The following KAZN variants were observed in gnomAD, a reference collection of about 807,000 sequenced individuals.
The protein encoded by KAZN is kazrin, periplakin interacting protein, also known as kazrin.
KAZN carries 40 observed loss-of-function variants against 87.4 expected under a neutral mutation model. That is an observed-to-expected ratio of 0.46 (90% CI 0.36 to 0.60). KAZN has a LOEUF of 0.60. Among genes scored for constraint, KAZN ranks in the 20% least tolerant of loss-of-function variants. The pLI, the probability that KAZN is intolerant of heterozygous loss-of-function variation, is 0.00. For synonymous variants in KAZN, 466 were observed against 458.3 expected (o/e 1.02, Z -0.22); for missense variants, 898 against 1,073.9 (o/e 0.84, Z 2.29).
intron 1 of KAZN, among the ~76,000 whole-genome samples, chr1:13,928,572 C>T (rs1256658229): frequency 2.0e-5 from 3 of 152,118 alleles, no homozygotes; most frequent in African/African-American, 7.2e-5. Context: ...TTTAGAAACT[C>T]ACTATTCCCA....
chr1:14,393,005 G>A (rs1375125266), intron 2 of KAZN, among the ~76,000 whole-genome samples: 1 of 152,162 alleles, frequency 6.6e-6, no homozygotes, highest in African/African-American at 2.4e-5. Flanking sequence ...TAAATGTGAA[G>A]TCAAGCGCAA....
intron 1 of KAZN, among the ~76,000 whole-genome samples, chr1:14,911,209 A>T (rs1423039896): frequency 2.0e-5 from 3 of 152,244 alleles, no homozygotes; most frequent in Admixed American, 2.0e-4. Context: ...AGAGGTCAGG[A>T]AGCCTGAACC....
intron 8 of KAZN, among the ~76,000 whole-genome samples, chr1:15,086,804 C>T (rs192487654): frequency 2.0e-5 from 3 of 151,954 alleles, no homozygotes; most frequent in African/African-American, 7.3e-5. Context: ...ATTGAACAAC[C>T]CTAGGTTTTA....
At chr1:14,768,654 T>C (rs1379561718) in intron 1 of KAZN, among the ~76,000 whole-genome samples, 2 of 152,198 alleles carry the variant, frequency 1.3e-5, no homozygotes, top group Non-Finnish European at 2.9e-5. Context: ...TCCTCAAGAA[T>C]AACAGCAGTT....
chr1:14,518,279 C>G (rs558698693), intron 2 of KAZN, among the ~76,000 whole-genome samples: 2 of 146,616 alleles, frequency 1.4e-5, no homozygotes, highest in Non-Finnish European at 3.0e-5. Context: ...CAGGTTCAAG[C>G]GATTCTCCTG....
intron 1 of KAZN, among the ~76,000 whole-genome samples, chr1:14,013,661 C>CTA (rs1640427368): frequency 6.6e-6 from 1 of 152,336 alleles, no homozygotes; most frequent in Non-Finnish European, 1.5e-5. Context: ...CAGGCCTCTG[C>CTA]TATTAGCTTA....
intron 2 of KAZN, among the ~76,000 whole-genome samples, chr1:14,342,018 T>C (rs186623174): frequency 6.6e-6 from 1 of 152,286 alleles, no homozygotes; most frequent in African/African-American, 2.4e-5. Flanking sequence ...TGTTTGTTGC[T>C]CCCAATGCAT....
At chr1:14,597,873 G>A (rs1042449927), upstream of KAZN, among the ~76,000 whole-genome samples, 2 of 152,130 alleles carry the variant, frequency 1.3e-5, no homozygotes, top group African/African-American at 2.4e-5. Flanking sequence ...AGCTGGAGAG[G>A]GCATATCAAC....
chr1:14,470,880 G>A (rs1438007719), intron 2 of KAZN, among the ~76,000 whole-genome samples: 1 of 152,190 alleles, frequency 6.6e-6, no homozygotes, highest in Non-Finnish European at 1.5e-5. Flanking sequence ...GCTAAAGGCT[G>A]TGGCTTCCAT....
At chr1:14,149,541 G>A (rs1311986316) in intron 1 of KAZN, among the ~76,000 whole-genome samples, 1 of 152,038 alleles carries the variant, frequency 6.6e-6, no homozygotes, top group Admixed American at 6.6e-5. Flanking sequence ...CTCCCATCTC[G>A]TTTGGCCACC....
chr1:14,561,382 G>A (rs1049449584), intron 2 of KAZN, among the ~76,000 whole-genome samples: 1 of 152,180 alleles, frequency 6.6e-6, no homozygotes, highest in African/African-American at 2.4e-5. Context: ...TGACAGACCC[G>A]AGACTGGCGA....
At chr1:14,023,497 A>G (rs989566881) in intron 1 of KAZN, among the ~76,000 whole-genome samples, 6 of 152,190 alleles carry the variant, frequency 3.9e-5, no homozygotes, top group African/African-American at 1.4e-4. Context: ...GGGGTAACAC[A>G]GCTACAAAGT....
intron 1 of KAZN, among the ~76,000 whole-genome samples, chr1:13,990,688 T>C (rs993762509): frequency 6.6e-6 from 1 of 152,188 alleles, no homozygotes. Flanking sequence ...ACATTTTACC[T>C]CAAAAGAAAA....
At chr1:14,341,621 C>T (rs1353706012) in intron 2 of KAZN, among the ~76,000 whole-genome samples, 1 of 152,144 alleles carries the variant, frequency 6.6e-6, no homozygotes, top group Non-Finnish European at 1.5e-5. Context: ...CTCAGTCATC[C>T]ACATGGCTGA....
intron 2 of KAZN, among the ~76,000 whole-genome samples, chr1:14,367,222 CTT>C (rs1256700132): frequency 4.6e-5 from 7 of 152,260 alleles, no homozygotes; most frequent in Middle Eastern, 3.4e-3. Flanking sequence ...GAGCAAGACT[CTT>C]GTCTCCAAAA....
At chr1:14,127,620 T>C (rs1644902561) in intron 1 of KAZN, among the ~76,000 whole-genome samples, 1 of 152,150 alleles carries the variant, frequency 6.6e-6, no homozygotes, top group South Asian at 2.1e-4. Flanking sequence ...TCATCCTTGA[T>C]AACAGATAAC....
chr1:14,031,391 T>G (rs1312602551), intron 1 of KAZN, among the ~76,000 whole-genome samples: 3 of 152,252 alleles, frequency 2.0e-5, no homozygotes, highest in Non-Finnish European at 2.9e-5. Context: ...GCTACCCAGA[T>G]GAAGGATGCT....
intron 2 of KAZN, among the ~76,000 whole-genome samples, chr1:14,205,677 G>T (rs2100425645): frequency 6.6e-6 from 1 of 152,018 alleles, no homozygotes; most frequent in East Asian, 1.9e-4. Context: ...GAGGTCAGGA[G>T]ATCAAGGCCA....
intron 2 of KAZN, among the ~76,000 whole-genome samples, chr1:14,464,119 T>C (rs1667990839): frequency 6.6e-6 from 1 of 152,202 alleles, no homozygotes; most frequent in Non-Finnish European, 1.5e-5. Flanking sequence ...TTCAGAACAT[T>C]AATCCACGGT....
Sources: allele counts gnomAD v4.1 joint callset (sites outside exome capture counted in the v4.1 genomes callset), GRCh38; gene constraint gnomAD v4.1.1; transcripts MANE v1.5; gene names NCBI Gene and HGNC (gene_info 2026-07-23, HGNC 2026-07-21).